Variants in ABCB1 observed in about 807,000 individuals in gnomAD.
ABCB1 encodes the protein ATP binding cassette subfamily B member 1, also known as ATP-dependent translocase ABCB1.
Under a neutral mutation model 142.0 loss-of-function variants are expected in ABCB1, and 69 were observed. The observed-to-expected ratio is 0.49, with a 90% CI of 0.40 to 0.59. ABCB1 has a LOEUF of 0.59. Among genes scored for constraint, ABCB1 ranks in the 20% least tolerant of loss-of-function variants. The pLI is 0.00. For missense variants in ABCB1, 1,326 were observed against 1,554.7 expected (o/e 0.85, Z 2.47); for synonymous variants, 532 against 539.2 (o/e 0.99, Z 0.18).
At chr7:87,546,456 C>T (rs1351912233) in intron 14 of ABCB1, among the ~76,000 whole-genome samples, 6 of 151,666 alleles carry the variant, frequency 4.0e-5, no homozygotes, top group Admixed American at 6.6e-5. Context: ...GGCATGGTGG[C>T]GGGTGCCTGT....
chr7:87,574,542 C>G (rs573771069), intron 4 of ABCB1, among the ~76,000 whole-genome samples: 2 of 152,336 alleles, frequency 1.3e-5, no homozygotes, highest in East Asian at 3.9e-4. Flanking sequence ...CCATCCCCAT[C>G]TTCACCAGCT....
chr7:87,534,517 A>G (rs1816193820), intron 20 of ABCB1, among the ~76,000 whole-genome samples: 1 of 152,164 alleles, frequency 6.6e-6, no homozygotes, highest in Admixed American at 6.5e-5. Flanking sequence ...CTTGACATCT[A>G]CATATGGATG....
At chr7:87,541,098 C>A (rs553231557) in intron 18 of ABCB1, among the ~76,000 whole-genome samples, 1 of 152,296 alleles carries the variant, frequency 6.6e-6, no homozygotes, top group South Asian at 2.1e-4. Context: ...CTGCCTTTCA[C>A]CTCCAATCAT....
chr7:87,615,850 G>GA (rs1203001910), intron 1 of ABCB1, among the ~76,000 whole-genome samples: 2 of 152,026 alleles, frequency 1.3e-5, no homozygotes, highest in African/African-American at 2.4e-5. Flanking sequence ...TTTCCTATTG[G>GA]AAAAAAATGA....
At chr7:87,667,207 TG>T (rs1173483839) in intron 1 of ABCB1, among the ~76,000 whole-genome samples, 2 of 152,248 alleles carry the variant, frequency 1.3e-5, no homozygotes, top group East Asian at 3.9e-4. Context: ...TTCACCTCCC[TG>T]GGTAGCTGTA....
chr7:87,644,534 G>T (rs1453778977), intron 1 of ABCB1, among the ~76,000 whole-genome samples: 2 of 152,120 alleles, frequency 1.3e-5, no homozygotes, highest in Non-Finnish European at 2.9e-5. Flanking sequence ...ACCTTTGTGA[G>T]CCCTTTTAAG....
chr7:87,522,316 C>G, intron 21 of ABCB1: 1 of 757,884 alleles, frequency 1.3e-6, no homozygotes, highest in East Asian at 2.5e-5. Context: ...GCTCTGGCCC[C>G]TATGCTGGTA....
intron 1 of ABCB1, chr7:87,710,484 T>C (rs891657695): frequency 2.7e-6 from 2 of 736,400 alleles, no homozygotes; most frequent in Admixed American, 5.5e-5. Context: ...ATGGCTGTTC[T>C]TTACATATTA....
chr7:87,697,236 A>G (rs1042689615), intron 1 of ABCB1, among the ~76,000 whole-genome samples: 11 of 152,286 alleles, frequency 7.2e-5, no homozygotes, highest in South Asian at 2.1e-4. Flanking sequence ...GCCATTGGCT[A>G]ATACAATGTT....
intron 1 of ABCB1, among the ~76,000 whole-genome samples, chr7:87,677,068 A>C (rs562440301): frequency 3.9e-5 from 6 of 152,320 alleles, no homozygotes; most frequent in Admixed American, 2.0e-4. Context: ...AACAGTATGG[A>C]GGTTCCTCAA....
chr7:87,674,380 G>T (rs899412599), intron 1 of ABCB1, among the ~76,000 whole-genome samples: 2 of 152,082 alleles, frequency 1.3e-5, no homozygotes, highest in Non-Finnish European at 2.9e-5. Flanking sequence ...GTGGTTGCTG[G>T]TATCATTGTG....
intron 1 of ABCB1, among the ~76,000 whole-genome samples, chr7:87,621,998 T>C (rs899311332): frequency 2.0e-5 from 3 of 152,130 alleles, no homozygotes; most frequent in African/African-American, 4.8e-5. Flanking sequence ...TACCTTCACA[T>C]AGTGCAAATA....
chr7:87,628,122 A>G (rs1398712419), intron 1 of ABCB1, among the ~76,000 whole-genome samples: 1 of 151,692 alleles, frequency 6.6e-6, no homozygotes, highest in Non-Finnish European at 1.5e-5. Flanking sequence ...GCTACAGGCA[A>G]GGGGGGGGCA....
intron 5 of ABCB1, among the ~76,000 whole-genome samples, chr7:87,568,413 C>CAAAA (rs576532820): frequency 7.2e-6 from 1 of 139,452 alleles, no homozygotes. Flanking sequence ...AACTCCATCT[C>CAAAA]AAAAAAAAAA....
chr7:87,519,434 A>G lies in ABCB1; in HGVS notation c.2819T>C (p.Ile940Thr). Residue 940 changes from isoleucine (I) to threonine (T), a missense_variant, in exon 23 of 28, where the codon ATT (isoleucine) becomes ACT (threonine). Physicochemically the swap from Ile to Thr is moderately conservative, Grantham distance 89 (BLOSUM62 -1). Transcript: ENST00000622132. Reference sequence around the variant, plus strand: ...CATTGCCTGGGTGAAGGAAAATGTAATTCCAAAGATGTGTGCTTTCCTCAA... The same window carrying G: ...CATTGCCTGGGTGAAGGAAAATGTAGTTCCAAAGATGTGTGCTTTCCTCAA... ...NSLRKAHIFGITFSFTQAMMY... is the reference protein window; with the variant it reads ...NSLRKAHIFGTTFSFTQAMMY... 6.2e-7 allele frequency: 1 copy of G among 1,614,134 alleles called. No homozygotes were observed. Among genetic ancestry groups the G allele is most frequent in the Non-Finnish European group, 8.5e-7 (1 of 1,179,952 alleles).
intron 1 of ABCB1, among the ~76,000 whole-genome samples, chr7:87,606,008 T>C (rs73705274): frequency 0.014 from 2,112 of 151,912 alleles, 47 homozygotes; most frequent in African/African-American, 0.048. Flanking sequence ...AACAACAAAA[T>C]TATGAAGAAA....
chr7:87,531,527 TA>T (rs1563037921), intron 20 of ABCB1, 30 bp from the exon 21 acceptor site: 4 of 1,596,162 alleles, frequency 2.5e-6, no homozygotes, highest in East Asian at 2.2e-5. Context: ...AGAGAAATTT[TA>T]AAAATATTAT....
At chr7:87,634,498 G>C (rs1414259555) in intron 1 of ABCB1, among the ~76,000 whole-genome samples, 4 of 137,072 alleles carry the variant, frequency 2.9e-5, no homozygotes, top group African/African-American at 5.3e-5. Flanking sequence ...GGGGGGTGGG[G>C]GGGGGGGCAC....
chr7:87,522,784 C>A (rs942364885), intron 21 of ABCB1, among the ~76,000 whole-genome samples: 3 of 151,604 alleles, frequency 2.0e-5, no homozygotes, highest in African/African-American at 7.3e-5. Flanking sequence ...TACACATTTC[C>A]ATATTGTTTT....
Sources: gnomAD v4.1 joint callset for allele counts (sites outside exome capture counted in the v4.1 genomes callset) on GRCh38, gnomAD v4.1.1 for gene constraint, MANE v1.5 for transcripts, NCBI Gene and HGNC (gene_info 2026-07-23, HGNC 2026-07-21) for gene names.